ATP2B2: variants seen among roughly 807,000 people sequenced by gnomAD.
ATP2B2 encodes plasma membrane calcium-transporting ATPase 2.
In ATP2B2, 15 loss-of-function variants were observed where a neutral mutation model predicts 120.0. That is an observed-to-expected ratio of 0.12 (90% CI 0.08 to 0.19). The LOEUF (loss-of-function observed/expected upper bound fraction) is 0.19, where lower values mean the gene tolerates loss of function less well. Among genes scored for constraint, ATP2B2 ranks in the 10% least tolerant of loss-of-function variants. The pLI, the probability that ATP2B2 is intolerant of heterozygous loss-of-function variation, is 1.00. For missense variants in ATP2B2, 1,045 were observed against 1,719.8 expected (o/e 0.61, Z 6.94); for synonymous variants, 694 against 700.3 (o/e 0.99, Z 0.14).
At chr3:10,594,711 TATA>T (rs147616326) in intron 2 of ATP2B2, among the ~76,000 whole-genome samples, 5,813 of 149,644 alleles carry the variant, frequency 0.039, 157 homozygotes, top group South Asian at 0.087. Context: ...GAACTTAAAG[TATA>T]ATAATAATAA....
intron 1 of ATP2B2, among the ~76,000 whole-genome samples, chr3:10,477,202 C>T (rs560562705): frequency 2.1e-4 from 32 of 152,350 alleles, no homozygotes; most frequent in South Asian, 8.3e-4. Context: ...CCCAGTGTTT[C>T]AGCTTTCCCT....
intron 16 of ATP2B2, among the ~76,000 whole-genome samples, chr3:10,349,297 T>TA (rs575514918): frequency 1.8e-4 from 28 of 151,600 alleles, no homozygotes; most frequent in African/African-American, 6.5e-4. Context: ...TATAAAGAAT[T>TA]AAAAAAAATT....
intron 3 of ATP2B2, among the ~76,000 whole-genome samples, chr3:10,409,308 C>T (rs888196503): frequency 4.6e-5 from 7 of 151,910 alleles, no homozygotes; most frequent in Non-Finnish European, 8.8e-5. Context: ...TATTTTTCCT[C>T]CTTGTTGATA....
intron 14 of ATP2B2, among the ~76,000 whole-genome samples, chr3:10,354,795 T>G (rs1037124932): frequency 3.3e-5 from 5 of 152,254 alleles, no homozygotes; most frequent in Admixed American, 3.3e-4. Context: ...AATCTTAATG[T>G]GTCTGCAGGA....
At chr3:10,573,786 C>G (rs1305091601) in intron 2 of ATP2B2, among the ~76,000 whole-genome samples, 1 of 152,188 alleles carries the variant, frequency 6.6e-6, no homozygotes, top group African/African-American at 2.4e-5. Context: ...ACAAACTGTT[C>G]CACTGGGACG....
chr3:10,432,487 C>T (rs1246654847), intron 2 of ATP2B2, among the ~76,000 whole-genome samples: 1 of 152,262 alleles, frequency 6.6e-6, no homozygotes, highest in Non-Finnish European at 1.5e-5. Context: ...GGAGCCAGAA[C>T]ATGAGAGGGA....
chr3:10,679,670 C>T (rs945290275), intron 1 of ATP2B2, among the ~76,000 whole-genome samples: 4 of 152,210 alleles, frequency 2.6e-5, no homozygotes, highest in African/African-American at 9.7e-5. Flanking sequence ...AATGGGTGAA[C>T]ACATTGTTGT....
chr3:10,598,833 G>T (rs534500030), intron 2 of ATP2B2, among the ~76,000 whole-genome samples: 1 of 152,360 alleles, frequency 6.6e-6, no homozygotes, highest in South Asian at 2.1e-4. Flanking sequence ...ACTGAGCAGG[G>T]TTGATGACCT....
rs149336392 is a variant in ATP2B2, at chr3:10,388,944, T to C, written c.782-542A>G. On this transcript the variant is annotated intron_variant, in intron 5 of 22. Coordinates refer to ENST00000360273, the MANE Select transcript of ATP2B2 (RefSeq NM_001001331.4). ...ACTATACCACATATTTTTTTTCTAC[T>C]TTATGCCAATATAATTGGTTTCCTT... Among the ~76,000 whole-genome samples the C allele has an allele frequency of 2.8e-4, 43 of 152,344 alleles. No individual in the cohort carries two copies. In the East Asian group the frequency reaches 7.9e-3, roughly 28 times the overall value.
intron 3 of ATP2B2, among the ~76,000 whole-genome samples, chr3:10,408,970 A>T (rs908399488): frequency 1.3e-5 from 2 of 152,132 alleles, no homozygotes; most frequent in Non-Finnish European, 2.9e-5. Flanking sequence ...TGCCCTTAGC[A>T]AGCGATTTGC....
chr3:10,453,337 C>A (rs974528075), intron 1 of ATP2B2, among the ~76,000 whole-genome samples: 4 of 152,210 alleles, frequency 2.6e-5, no homozygotes, highest in Non-Finnish European at 5.9e-5. Context: ...ACATAGTCAG[C>A]ACTCAAATTA....
chr3:10,687,481 A>T (rs1158378580), intron 1 of ATP2B2, among the ~76,000 whole-genome samples: 2 of 152,216 alleles, frequency 1.3e-5, no homozygotes, highest in Non-Finnish European at 2.9e-5. Context: ...TCTTCTGGGA[A>T]CAACTTTGGA....
Position 10,346,120 on chromosome 3 carries a change from G to C in ATP2B2, c.2422C>G (p.His808Asp). 6.2e-7 allele frequency: 1 copy of C among 1,611,344 alleles called. No homozygotes were observed. Among genetic ancestry groups the C allele is most frequent in the Non-Finnish European group, 8.5e-7 (1 of 1,179,960 alleles). The change falls in exon 17 of 23, where the codon CAC becomes GAC. Residue 808 changes from histidine (H) to aspartate (D), a missense_variant. By Grantham distance (81) the His-to-Asp change is moderately conservative. Coordinates refer to ENST00000360273, the MANE Select transcript of ATP2B2 (RefSeq NM_001001331.4). This position sits in a 1 kb window ranked among gnomAD's most constrained non-coding sequence, Gnocchi z 4.1. The part of the protein sequence containing the change: ...TLVKGIIDST[H>D]TEQRQVVAVT... ...GCCACCACCTGCCGCTGCTCAGTGTGTGTGCTGTCGATGATGCCTGTTGGG... is the reference window on the plus strand; with the variant it reads ...GCCACCACCTGCCGCTGCTCAGTGTCTGTGCTGTCGATGATGCCTGTTGGG...
At chr3:10,651,758 TGG>T (rs2070471459) in intron 1 of ATP2B2, among the ~76,000 whole-genome samples, 1 of 151,722 alleles carries the variant, frequency 6.6e-6, no homozygotes, top group Non-Finnish European at 1.5e-5. Flanking sequence ...GATGGATGGA[TGG>T]ATGGATGGAT....
intron 1 of ATP2B2, among the ~76,000 whole-genome samples, chr3:10,693,435 G>T (rs996465031): frequency 6.6e-6 from 1 of 152,198 alleles, no homozygotes; most frequent in African/African-American, 2.4e-5. Flanking sequence ...GAACAAAAAA[G>T]ACAAAACCCC....
chr3:10,385,131 G>A, intron 8 of ATP2B2, 137 bp downstream of exon 8: 1 of 871,910 alleles, frequency 1.1e-6, no homozygotes, highest in Non-Finnish European at 1.9e-6. Flanking sequence ...TGCCCCATGT[G>A]AGAAGGTGAC....
At chr3:10,654,004 C>A (rs901561620) in intron 1 of ATP2B2, among the ~76,000 whole-genome samples, 8 of 152,182 alleles carry the variant, frequency 5.3e-5, no homozygotes, top group Non-Finnish European at 1.2e-4. Flanking sequence ...CCTTCCTACA[C>A]AGCATCAACC....
intron 11 of ATP2B2, 26 bp from the exon 12 acceptor site, chr3:10,372,077 C>T (rs776659875): frequency 3.7e-6 from 6 of 1,613,876 alleles, no homozygotes; most frequent in Non-Finnish European, 5.1e-6. Context: ...GGTGAGAGGG[C>T]AACAGTGAGG....
rs557136350 is a variant in ATP2B2, at chr3:10,635,824, T to A, written c.-459-15863A>T. ...CCCTGGTGGGTATTTCATAAAGCAC[T>A]CCCTGGCCTTAGCTCAAAGAGATTC... On this transcript the variant is annotated intron_variant, in intron 1 of 21. Transcript: ENST00000646379. The surrounding 1 kb of genome is among the most constrained non-coding windows in gnomAD (Gnocchi z 4.3). 1.3e-5 allele frequency among the ~76,000 whole-genome samples: 2 copies of A among 152,260 alleles called. No homozygotes were observed. Among genetic ancestry groups the A allele is most frequent in the Admixed American group, 1.3e-4 (2 of 15,302 alleles).
Sources: allele counts gnomAD v4.1 joint callset (sites outside exome capture counted in the v4.1 genomes callset), GRCh38; gene constraint gnomAD v4.1.1; non-coding constraint Gnocchi (gnomAD v3.1); transcripts MANE v1.5; gene names NCBI Gene and HGNC (gene_info 2026-07-23, HGNC 2026-07-21).